The following PP2D1 variants were observed in gnomAD, a reference collection of about 807,000 sequenced individuals.
PP2D1 encodes protein phosphatase 2C-like domain-containing protein 1.
A neutral mutation model predicts 30.2 loss-of-function variants in PP2D1; 25 were observed. The observed-to-expected ratio is 0.83, with a 90% CI of 0.60 to 1.16. PP2D1 has a LOEUF of 1.16. Among genes scored for constraint, PP2D1 ranks in the 50% most tolerant of loss-of-function variants. PP2D1 has a pLI of 0.00. For missense variants in PP2D1, 760 were observed against 742.4 expected (o/e 1.02, Z -0.28); for synonymous variants, 260 against 258.9 (o/e 1.00, Z -0.04).
At chr3:19,981,057 C>T (rs1696916482), downstream of PP2D1, among the ~76,000 whole-genome samples, 1 of 152,148 alleles carries the variant, frequency 6.6e-6, no homozygotes, top group Admixed American at 6.6e-5. Flanking sequence ...AGTGGTCTGT[C>T]CCCAAGATTG....
At chr3:19,993,097 A>G (rs1697137739) in intron 2 of PP2D1, among the ~76,000 whole-genome samples, 1 of 152,188 alleles carries the variant, frequency 6.6e-6, no homozygotes, top group African/African-American at 2.4e-5. Flanking sequence ...AATGGTGGGT[A>G]AAGTTGTGCC....
chr3:20,003,560 T>C (rs566582472), intron 1 of PP2D1, among the ~76,000 whole-genome samples: 4 of 151,916 alleles, frequency 2.6e-5, no homozygotes, highest in East Asian at 3.9e-4. Flanking sequence ...CTGGCCAACA[T>C]GGTGAAACCC....
intron 2 of PP2D1, among the ~76,000 whole-genome samples, chr3:19,995,455 T>A (rs1697168814): frequency 6.6e-6 from 1 of 151,894 alleles, no homozygotes; most frequent in Non-Finnish European, 1.5e-5. Context: ...GAAGGATTTC[T>A]ACCCTAGAAG....
At position 20,011,927 on chromosome 3, in the gene PP2D1, T is replaced by C. The variant is rs146920364; in HGVS notation, c.23+123A>G. 61 of 686,250 alleles carry C rather than the reference T, an allele frequency of 8.9e-5. No individual in the cohort carries two copies. In the African/African-American group the frequency reaches 1.0e-3, roughly 12 times the overall value. 42.5% of individuals were successfully genotyped at this position (686,250 alleles called of 1,614,324 possible). ...CAGAGGGATATATCACTCTTCAATG[T>C]ACACAGTTTAACAGGAAGCCAAGGT... On this transcript the variant is annotated intron_variant, in intron 1 of 2. Coordinates refer to ENST00000389050, the MANE Select transcript of PP2D1 (RefSeq NM_001252657.2).
At chr3:19,997,269 C>G (rs569555363) in intron 2 of PP2D1, among the ~76,000 whole-genome samples, 32 of 151,478 alleles carry the variant, frequency 2.1e-4, no homozygotes, top group Admixed American at 2.1e-3. Flanking sequence ...TGACACATTA[C>G]CAACAGAATG....
chr3:19,980,862 A>C (rs1696912293), downstream of PP2D1, among the ~76,000 whole-genome samples: 1 of 152,224 alleles, frequency 6.6e-6, no homozygotes, highest in African/African-American at 2.4e-5. Flanking sequence ...CTGGCTCCCA[A>C]ATCCATTGCC....
At position 20,002,694 on chromosome 3, in the gene PP2D1, C is replaced by T. The variant is rs562580559; in HGVS notation, c.24-598G>A. 5.4e-4 allele frequency among the ~76,000 whole-genome samples: 82 copies of T among 152,160 alleles called. 1 individual carries two copies. Among genetic ancestry groups the T allele is most frequent in the Non-Finnish European group, 9.0e-4 (61 of 67,988 alleles). On this transcript the variant is annotated intron_variant, in intron 1 of 2. Transcript: ENST00000389050. ...CAACACTTTGGGAGGCCGAAGTGGG[C>T]GGATCACTTGAGGTCAGGAGTTCAA...
At chr3:19,982,228 A>T (rs1199333518), downstream of PP2D1, among the ~76,000 whole-genome samples, 1 of 152,182 alleles carries the variant, frequency 6.6e-6, no homozygotes, top group African/African-American at 2.4e-5. Flanking sequence ...ACAGAGGGAG[A>T]CCTTGTCTCC....
chr3:20,003,700 G>T (rs1444345382), intron 1 of PP2D1, among the ~76,000 whole-genome samples: 1 of 151,998 alleles, frequency 6.6e-6, no homozygotes, highest in Admixed American at 6.6e-5. Flanking sequence ...GCAGTGAGCA[G>T]AGATGGCGCC....
Position 20,001,830 on chromosome 3 carries a change from C to T in PP2D1, c.290G>A (p.Gly97Asp). 1 of 1,535,378 alleles carries T rather than the reference C, an allele frequency of 6.5e-7. No individual in the cohort carries two copies. Among genetic ancestry groups the T allele is most frequent in the Non-Finnish European group, 8.7e-7 (1 of 1,146,642 alleles). Residue 97 changes from glycine to aspartate, a missense_variant, in exon 2 of 3, where the codon GGT (glycine) becomes GAT (aspartate). Transcript: ENST00000389050. ...ALATLGFQWM[G>D]RKKPQPSVIA... ...CACTGAGGGCTGTGGTTTCTTTCTA[C>T]CCATCCATTGGAAACCCAGCGTGGC...
chr3:20,003,471 G>A (rs1359180698), intron 1 of PP2D1, among the ~76,000 whole-genome samples: 1 of 151,746 alleles, frequency 6.6e-6, no homozygotes, highest in Admixed American at 6.6e-5. Context: ...AGCTGGGCGC[G>A]ATGGCTCACA....
chr3:19,997,528 T>G (rs1025563183), intron 2 of PP2D1, among the ~76,000 whole-genome samples: 1 of 152,200 alleles, frequency 6.6e-6, no homozygotes, highest in Non-Finnish European at 1.5e-5. Context: ...CTACTGAGTA[T>G]GTAGCCAATG....
chr3:19,998,740 T>A (rs1460692569), intron 2 of PP2D1, among the ~76,000 whole-genome samples: 1 of 152,244 alleles, frequency 6.6e-6, no homozygotes, highest in Non-Finnish European at 1.5e-5. Context: ...AGAGTCATGA[T>A]GACATTGATA....
At chr3:19,981,220 C>A (rs758492040), downstream of PP2D1, among the ~76,000 whole-genome samples, 10 of 152,134 alleles carry the variant, frequency 6.6e-5, no homozygotes, top group Admixed American at 1.3e-4. Flanking sequence ...GTTTGACTTA[C>A]GATTTTATAA....
intron 2 of PP2D1, among the ~76,000 whole-genome samples, chr3:20,000,067 C>G (rs1276340246): frequency 1.3e-5 from 2 of 152,158 alleles, no homozygotes; most frequent in East Asian, 3.9e-4. Context: ...CTGTCTCTGC[C>G]ACAAAGTCCC....
chr3:19,990,966 A>C (rs1439157392), intron 2 of PP2D1, among the ~76,000 whole-genome samples: 1 of 152,200 alleles, frequency 6.6e-6, no homozygotes, highest in Non-Finnish European at 1.5e-5. Context: ...GTTTGGAGGA[A>C]ATGCGAACAG....
chr3:19,991,391 C>T, intron 2 of PP2D1, among the ~76,000 whole-genome samples: 1 of 151,888 alleles, frequency 6.6e-6, no homozygotes. Context: ...TCAGATAAAG[C>T]CAGAAAGGTG....
At chr3:20,003,667 C>A (rs1697283670) in intron 1 of PP2D1, among the ~76,000 whole-genome samples, 1 of 151,800 alleles carries the variant, frequency 6.6e-6, no homozygotes, top group African/African-American at 2.4e-5. Context: ...TTGCTTGAAC[C>A]CAGGAGACAG....
At chr3:20,005,500 C>T (rs1461994041) in intron 1 of PP2D1, among the ~76,000 whole-genome samples, 1 of 152,074 alleles carries the variant, frequency 6.6e-6, no homozygotes, top group Admixed American at 6.5e-5. Context: ...AACTTCAACT[C>T]AGTTCATATA....
Sources: allele counts gnomAD v4.1 joint callset (sites outside exome capture counted in the v4.1 genomes callset), GRCh38; gene constraint gnomAD v4.1.1; transcripts MANE v1.5; gene names NCBI Gene and HGNC (gene_info 2026-07-23, HGNC 2026-07-21).